The following MPV17L variants were observed in gnomAD, a reference collection of about 807,000 sequenced individuals.
MPV17L encodes the protein mpv17-like protein.
MPV17L carries 24 observed loss-of-function variants against 25.8 expected under a neutral mutation model. That is an observed-to-expected ratio of 0.93 (90% CI 0.67 to 1.31). The LOEUF (loss-of-function observed/expected upper bound fraction) is 1.31, where lower values mean the gene tolerates loss of function less well. Ranked by LOEUF, MPV17L falls within the 50% of genes most tolerant of loss-of-function variation. The pLI is 0.00. For missense variants in MPV17L, 250 were observed against 265.6 expected (o/e 0.94, Z 0.41); for synonymous variants, 102 against 115.3 (o/e 0.88, Z 0.74).
Position 15,396,010 on chromosome 16 carries a change from T to A in MPV17L, c.113T>A (p.Leu38Gln). The change falls in exon 1 of 4, where the codon CTG (leucine) becomes CAG (glutamine). Residue 38 changes from leucine to glutamine, a missense_variant. Leu to Gln is a moderately radical substitution (Grantham distance 113). Coordinates refer to ENST00000396385, the MANE Select transcript of MPV17L (RefSeq NM_001128423.2). The part of the protein sequence containing the change: ...VSAGDALQQR[L>Q]QGREANWRQT... ...GCCGGGGACGCGCTGCAACAGCGGC[T>A]GCAGGGCCGCGAGGCCAACTGGCGC... 6.6e-7 allele frequency: 1 copy of A among 1,525,266 alleles called. No homozygotes were observed. Among genetic ancestry groups the A allele is most frequent in the Non-Finnish European group, 8.8e-7 (1 of 1,142,144 alleles). The allele number at this position is 1,525,266 out of a possible 1,614,324, so 94.5% of individuals were successfully genotyped here.
Position 15,410,810 on chromosome 16 carries a change from T to TA in MPV17L, c.*2699dup, listed in dbSNP as rs1291821408. 3 of 152,372 alleles carry TA rather than the reference T, an allele frequency of 2.0e-5. No homozygotes were observed. The highest frequency in any genetic ancestry group is 2.0e-4 in the Admixed American group (3 of 15,296). The allele number at this position is 152,372 out of a possible 1,614,324, so 9.4% of individuals were successfully genotyped here. A position where few individuals can be genotyped will look rare whatever the true frequency, so the allele number is the denominator to read the frequency against. On this transcript the variant is annotated 3_prime_UTR_variant, in exon 4 of 4. Transcript: ENST00000396385. ...TACCTGAATGTAAAAGGCATTAATA[T>TA]ATTTTACATTATTGGGACCATAGTA...
At position 15,395,863 on chromosome 16, in the gene MPV17L, G is replaced by A; in HGVS notation, c.-35G>A. The A allele has an allele frequency of 1.5e-6, 2 of 1,376,070 alleles. No individual in the cohort carries two copies. Among genetic ancestry groups the A allele is most frequent in the Non-Finnish European group, 1.9e-6 (2 of 1,075,724 alleles). The allele number at this position is 1,376,070 out of a possible 1,614,324, so 85.2% of individuals were successfully genotyped here. On this transcript the variant is annotated 5_prime_UTR_variant, in exon 1 of 4. Coordinates refer to ENST00000396385, the MANE Select transcript of MPV17L (RefSeq NM_001128423.2). Reference sequence around the variant, plus strand: ...CCCGGTGCAGGAAGACGCCGACCACGCGGGCTCCTGATCGCGGGCGCCCAC... The same window carrying A: ...CCCGGTGCAGGAAGACGCCGACCACACGGGCTCCTGATCGCGGGCGCCCAC...
In MPV17L at chr16:15,395,979, G is replaced by A. The variant is rs2050575590; in HGVS notation, c.82G>A (p.Val28Ile). 2.0e-6 allele frequency: 3 copies of A among 1,512,420 alleles called. No individual in the cohort carries two copies. Among genetic ancestry groups the A allele is most frequent in the Non-Finnish European group, 2.6e-6 (3 of 1,138,134 alleles). The allele number at this position is 1,512,420 out of a possible 1,614,324, so 93.7% of individuals were successfully genotyped here. ...CAACGTGCTGCTTTACGGCTCGCTC[G>A]TCTCGGCCGGGGACGCGCTGCAACA... ...PTNVLLYGSL[V>I]SAGDALQQRL... Residue 28 changes from valine to isoleucine, a missense_variant, in exon 1 of 4, where the codon GTC (valine) becomes ATC (isoleucine). By Grantham distance (29) the Val-to-Ile change is conservative. Transcript: ENST00000396385.
rs1450563499 is a variant in MPV17L at position 15,409,013 on chromosome 16, C to T, written c.*901C>T. ...GGCCAGGATGGTCTTGATCTCCTGA[C>T]CGCATAATCCACCCACCTCGGCCTC... On this transcript the variant is annotated 3_prime_UTR_variant, in exon 4 of 4. Coordinates refer to ENST00000396385, the MANE Select transcript of MPV17L (RefSeq NM_001128423.2). 1 of 151,398 alleles carries T rather than the reference C, an allele frequency of 6.6e-6. No individual in the cohort carries two copies. The highest frequency in any genetic ancestry group is 2.4e-5 in the African/African-American group (1 of 41,112). The allele number at this position is 151,398 out of a possible 1,614,324, so 9.4% of individuals were successfully genotyped here.
intron 1 of MPV17L, among the ~76,000 whole-genome samples, chr16:15,398,481 G>T (rs905369105): frequency 6.6e-6 from 1 of 152,136 alleles, no homozygotes; most frequent in Non-Finnish European, 1.5e-5. Flanking sequence ...ACTGAAAGAT[G>T]CTGAGTTACT....
At position 15,395,933 on chromosome 16, in the gene MPV17L, C is replaced by G; in HGVS notation, c.36C>G (p.Ala12=). 6.9e-7 allele frequency: 1 copy of G among 1,459,802 alleles called. No individual in the cohort carries two copies. Among genetic ancestry groups the G allele is most frequent in the Non-Finnish European group, 9.0e-7 (1 of 1,116,294 alleles). The allele number at this position is 1,459,802 out of a possible 1,614,324, so 90.4% of individuals were successfully genotyped here. ...GGTGGCCGGCGTTGTCGCGCGCGGC[C>G]CGGCGCCACCCGTGGCCCACCAACG... ...AGWWPALSRA[A]RRHPWPTNVL... The change falls in exon 1 of 4, where the codon GCC becomes GCG. Residue 12 remains alanine (A), a synonymous_variant. Transcript: ENST00000396385.
chr16:15,402,070 C>T (rs1173281098), intron 2 of MPV17L, among the ~76,000 whole-genome samples: 4 of 152,088 alleles, frequency 2.6e-5, no homozygotes, highest in African/African-American at 7.2e-5. Context: ...GAGCATCCTG[C>T]GGAGTCCTGG....
At chr16:15,396,940 G>T (rs1349723941) in intron 1 of MPV17L, among the ~76,000 whole-genome samples, 1 of 152,132 alleles carries the variant, frequency 6.6e-6, no homozygotes, top group Non-Finnish European at 1.5e-5. Flanking sequence ...CCTGGGGTGT[G>T]GGGGACAGGG....
At position 15,409,437 on chromosome 16, in the gene MPV17L, T is replaced by C. The variant is rs2050713548; in HGVS notation, c.*1325T>C. ...GATGACATTGCACCATTGTGATATG[T>C]TACTGCCCCACCCTAACTGATCAAT... On this transcript the variant is annotated 3_prime_UTR_variant, in exon 4 of 4. Transcript: ENST00000396385. 1.3e-5 allele frequency: 2 copies of C among 152,102 alleles called. No homozygotes were observed. Among genetic ancestry groups the C allele is most frequent in the African/African-American group, 4.8e-5 (2 of 41,430 alleles). The allele number at this position is 152,102 out of a possible 1,614,324, so 9.4% of individuals were successfully genotyped here.
At position 15,395,780 on chromosome 16, in the gene MPV17L, C is replaced by T. The variant is rs2050571966; in HGVS notation, c.-118C>T. ...ATCGCTCCGGAGCTTCTGGAGGGGG[C>T]AGATGCAGGTGCCGGCTGCTGCAGT... On this transcript the variant is annotated 5_prime_UTR_variant, in exon 1 of 4. Coordinates refer to ENST00000396385, the MANE Select transcript of MPV17L (RefSeq NM_001128423.2). 1.7e-5 allele frequency: 16 copies of T among 929,434 alleles called. No homozygotes were observed. In the South Asian group the frequency reaches 3.5e-4, roughly 20 times the overall value. The allele number at this position is 929,434 out of a possible 1,614,324, so 57.6% of individuals were successfully genotyped here. A position where few individuals can be genotyped will look rare whatever the true frequency, so the allele number is the denominator to read the frequency against.
At chr16:15,398,844 T>C (rs145341120) in intron 1 of MPV17L, among the ~76,000 whole-genome samples, 1 of 152,056 alleles carries the variant, frequency 6.6e-6, no homozygotes, top group East Asian at 1.9e-4. Flanking sequence ...CTTGCCCACC[T>C]CGGTCTCCCA....
At chr16:15,405,438 G>C (rs1389046897) in intron 2 of MPV17L, among the ~76,000 whole-genome samples, 1 of 149,400 alleles carries the variant, frequency 6.7e-6, no homozygotes, top group African/African-American at 2.4e-5. Flanking sequence ...GATTATTTTT[G>C]CTAAAGTTTT....
chr16:15,400,733 G>A, intron 1 of MPV17L, 54 bp from the exon 2 acceptor site: 1 of 1,275,304 alleles, frequency 7.8e-7, no homozygotes. Context: ...AACATGAACT[G>A]TTATACGGTA....
At chr16:15,401,832 GAAGAA>G (rs2050642517) in intron 2 of MPV17L, among the ~76,000 whole-genome samples, 1 of 151,966 alleles carries the variant, frequency 6.6e-6, no homozygotes, top group Non-Finnish European at 1.5e-5. Context: ...AGAGAAAAAA[GAAGAA>G]AAGAAAAGAA....
chr16:15,405,868 C>T (rs551845428), intron 2 of MPV17L, among the ~76,000 whole-genome samples: 4 of 150,574 alleles, frequency 2.7e-5, no homozygotes, highest in Admixed American at 1.3e-4. Context: ...AGCGAAACTC[C>T]GTCTCAAAAA....
intron 2 of MPV17L, 58 bp downstream of exon 2, chr16:15,400,915 T>C (rs1217642681): frequency 3.7e-6 from 4 of 1,068,284 alleles, no homozygotes; most frequent in Admixed American, 3.4e-5. Context: ...TGTATATATA[T>C]GTGTATAAAA....
Position 15,408,086 on chromosome 16 carries a change from G to A in MPV17L, c.565G>A (p.Ala189Thr). Reference protein sequence around the residue: ...FTILYTKGTSATEGYPKK With the variant: ...FTILYTKGTSTTEGYPKK ...CATTTTATATACAAAGGGGACCAGT[G>A]CCACAGAAGGGTACCCGAAGAAATG... The change falls in exon 4 of 4, where the codon GCC becomes ACC. Residue 189 changes from alanine to threonine, a missense_variant. Coordinates refer to ENST00000396385, the MANE Select transcript of MPV17L (RefSeq NM_001128423.2). 2 of 1,607,278 alleles carry A rather than the reference G, an allele frequency of 1.2e-6. No individual in the cohort carries two copies. Among genetic ancestry groups the A allele is most frequent in the Non-Finnish European group, 1.7e-6 (2 of 1,176,130 alleles).
At position 15,409,861 on chromosome 16, in the gene MPV17L, G is replaced by T. The variant is rs188337832; in HGVS notation, c.*1749G>T. 2.0e-5 allele frequency: 3 copies of T among 152,270 alleles called. No homozygotes were observed. The highest frequency in any genetic ancestry group is 1.9e-4 in the East Asian group (1 of 5,184). The allele number at this position is 152,270 out of a possible 1,614,324, so 9.4% of individuals were successfully genotyped here. A position where few individuals can be genotyped will look rare whatever the true frequency, so the allele number is the denominator to read the frequency against. On this transcript the variant is annotated 3_prime_UTR_variant, in exon 4 of 4. Transcript: ENST00000396385. Reference sequence around the variant, plus strand: ...AAAAACAGAGTAGTGTATGATTGGCGTATTCTGTGTAGAATGTATTTTATT... The same window carrying T: ...AAAAACAGAGTAGTGTATGATTGGCTTATTCTGTGTAGAATGTATTTTATT...
chr16:15,403,975 C>T lies in MPV17L; in HGVS notation c.381+3118C>T, dbSNP rs142468408. 4.0e-5 allele frequency among the ~76,000 whole-genome samples: 6 copies of T among 151,836 alleles called. No homozygotes were observed. The East Asian group carries it at 7.8e-4, about 20-fold the overall frequency. The stretch of plus-strand genomic sequence containing the variant: ...GAGGTCAAGGGATCGAGCCCATCCT[C>T]GCCAACTTGATGAAATCCCCTCTCT... On this transcript the variant is annotated intron_variant, in intron 2 of 3. Coordinates refer to ENST00000396385, the MANE Select transcript of MPV17L (RefSeq NM_001128423.2).
Sources: allele counts gnomAD v4.1 joint callset (sites outside exome capture counted in the v4.1 genomes callset), GRCh38; gene constraint gnomAD v4.1.1; transcripts MANE v1.5; gene names NCBI Gene and HGNC (gene_info 2026-07-23, HGNC 2026-07-21).